DAPK1: variants seen among roughly 807,000 people sequenced by gnomAD.
The protein encoded by DAPK1 is death-associated protein kinase 1.
In DAPK1, 56 loss-of-function variants were observed where a neutral mutation model predicts 144.9. The observed-to-expected ratio is 0.39, with a 90% CI of 0.31 to 0.48. The LOEUF (loss-of-function observed/expected upper bound fraction) is 0.48, where lower values mean the gene tolerates loss of function less well. Ranked by LOEUF, DAPK1 falls within the 20% of genes least tolerant of loss-of-function variation. The pLI, the probability that DAPK1 is intolerant of heterozygous loss-of-function variation, is 0.95. For missense variants in DAPK1, 1,454 were observed against 1,875.4 expected (o/e 0.78, Z 4.15); for synonymous variants, 690 against 749.0 (o/e 0.92, Z 1.29).
At chr9:87,680,242 C>T (rs1824556004) in intron 19 of DAPK1, among the ~76,000 whole-genome samples, 1 of 152,054 alleles carries the variant, frequency 6.6e-6, no homozygotes, top group Non-Finnish European at 1.5e-5. Flanking sequence ...GTAGCTGGGA[C>T]TACAGGCTCC....
At chr9:87,510,934 C>T (rs999393534) in intron 2 of DAPK1, among the ~76,000 whole-genome samples, 1 of 152,208 alleles carries the variant, frequency 6.6e-6, no homozygotes, top group African/African-American at 2.4e-5. Flanking sequence ...ACTAGGCACA[C>T]AGTAAGTGCT....
chr9:87,589,864 C>A (rs1828063945), intron 2 of DAPK1, among the ~76,000 whole-genome samples: 1 of 152,148 alleles, frequency 6.6e-6, no homozygotes, highest in South Asian at 2.1e-4. Flanking sequence ...AGCCTGCACT[C>A]CACTCACCAA....
chr9:87,700,036 A>G, intron 23 of DAPK1, 81 bp from the exon 24 acceptor site: 2 of 1,162,192 alleles, frequency 1.7e-6, no homozygotes, highest in Non-Finnish European at 2.5e-6. Context: ...CAGCCTCTTG[A>G]GCCAGTAGGA....
rs72747862 is a variant in DAPK1 at position 87,632,974 on chromosome 9, G to A, written c.285-4969G>A. The A allele has an allele frequency of 5.1e-3, 4,931 of 975,306 alleles. 14 individuals carry two copies. Among genetic ancestry groups the A allele is most frequent in the Non-Finnish European group, 5.6e-3 (4,626 of 823,480 alleles). The allele number at this position is 975,306 out of a possible 1,614,324, so 60.4% of individuals were successfully genotyped here. A position where few individuals can be genotyped will look rare whatever the true frequency, so the allele number is the denominator to read the frequency against. ...GGGATGAAGGAGGATGAGTACATATGTAGAAATGAAGGGAGATGAGTATAC... is the reference window on the plus strand; with the variant it reads ...GGGATGAAGGAGGATGAGTACATATATAGAAATGAAGGGAGATGAGTATAC... On this transcript the variant is annotated intron_variant, in intron 3 of 25. Transcript: ENST00000408954.
At chr9:87,573,849 A>G (rs1053304585) in intron 2 of DAPK1, among the ~76,000 whole-genome samples, 1 of 152,258 alleles carries the variant, frequency 6.6e-6, no homozygotes, top group African/African-American at 2.4e-5. Flanking sequence ...AGGTTTCTTT[A>G]GAGATGTTTT....
chr9:87,678,880 T>C (rs1194122610), intron 19 of DAPK1, among the ~76,000 whole-genome samples: 1 of 152,174 alleles, frequency 6.6e-6, no homozygotes, highest in Non-Finnish European at 1.5e-5. Flanking sequence ...ATAGTTCCTG[T>C]TGAGGAAGTC....
At chr9:87,554,347 C>T (rs957440579) in intron 2 of DAPK1, 1 of 152,062 alleles carries the variant, frequency 6.6e-6, no homozygotes, top group Non-Finnish European at 1.5e-5. Context: ...AATTATTATT[C>T]TCATCTTCTG....
chr9:87,594,067 T>G (rs1257007462), intron 2 of DAPK1, among the ~76,000 whole-genome samples: 1 of 152,220 alleles, frequency 6.6e-6, no homozygotes, highest in Admixed American at 6.5e-5. Context: ...CTACCCTTTC[T>G]GTATAAGGGC....
At chr9:87,555,138 G>A (rs983801890) in intron 2 of DAPK1, among the ~76,000 whole-genome samples, 1 of 152,138 alleles carries the variant, frequency 6.6e-6, no homozygotes, top group East Asian at 1.9e-4. Context: ...AAGGACTTGG[G>A]GGTTTACATA....
At chr9:87,604,918 A>G in intron 2 of DAPK1, 36 bp from the exon 3 acceptor site, 1 of 1,592,846 alleles carries the variant, frequency 6.3e-7, no homozygotes, top group Non-Finnish European at 8.6e-7. Context: ...TGTTTTTTTT[A>G]TGAACGATAA....
intron 16 of DAPK1, among the ~76,000 whole-genome samples, chr9:87,651,148 G>A (rs929188917): frequency 2.0e-5 from 3 of 152,146 alleles, no homozygotes; most frequent in Non-Finnish European, 2.9e-5. Context: ...AAAATAATAG[G>A]CTCTCTATTT....
At chr9:87,564,010 A>G (rs892619845) in intron 2 of DAPK1, among the ~76,000 whole-genome samples, 2 of 152,078 alleles carry the variant, frequency 1.3e-5, no homozygotes, top group Non-Finnish European at 2.9e-5. Context: ...TTAGTTTAGG[A>G]TGCCCGTCTC....
At chr9:87,497,699 C>G (rs1423512880), upstream of DAPK1, 2 of 219,106 alleles carry the variant, frequency 9.1e-6, no homozygotes, top group Non-Finnish European at 1.8e-5. Context: ...CCAGCGAGCC[C>G]GGAGCGCGGA....
intron 18 of DAPK1, chr9:87,667,782 C>T (rs1831108486): frequency 6.6e-6 from 1 of 151,850 alleles, no homozygotes; most frequent in Non-Finnish European, 1.5e-5. Flanking sequence ...TTTTAGTGAT[C>T]TCTAAAACTG....
At chr9:87,550,913 C>T (rs7866624) in intron 2 of DAPK1, among the ~76,000 whole-genome samples, 28,971 of 152,068 alleles carry the variant, frequency 0.19, 4,216 homozygotes, top group African/African-American at 0.39. Flanking sequence ...TTTCTGTGGA[C>T]GTGTGCTTTT....
intron 2 of DAPK1, among the ~76,000 whole-genome samples, chr9:87,556,446 C>T (rs1826718995): frequency 6.6e-6 from 1 of 152,218 alleles, no homozygotes; most frequent in African/African-American, 2.4e-5. Flanking sequence ...CTTTTGCTGT[C>T]TTTGAATCAT....
chr9:87,566,165 C>T (rs1827115006), intron 2 of DAPK1, among the ~76,000 whole-genome samples: 1 of 151,902 alleles, frequency 6.6e-6, no homozygotes, highest in Non-Finnish European at 1.5e-5. Context: ...GGACTACAGT[C>T]GCCCGCCACC....
chr9:87,510,585 G>A (rs1408286288), intron 2 of DAPK1, among the ~76,000 whole-genome samples: 1 of 152,226 alleles, frequency 6.6e-6, no homozygotes, highest in Non-Finnish European at 1.5e-5. Context: ...GGGGACTTAT[G>A]CGTGGGATTA....
Position 87,498,100 on chromosome 9 carries a change from G to T in DAPK1, c.-116G>T, listed in dbSNP as rs563553029. ...CCGGAGGGACCGGGGGAGCTCCCAG[G>T]CGCCCGGGTGAGTAGCCAGGCGCGG... On this transcript the variant is annotated 5_prime_UTR_variant, in exon 1 of 26. Coordinates refer to ENST00000408954, the MANE Select transcript of DAPK1 (RefSeq NM_004938.4). 2.5e-6 allele frequency: 1 copy of T among 397,684 alleles called. No individual in the cohort carries two copies. The highest frequency in any genetic ancestry group is 4.4e-5 in the Admixed American group (1 of 22,728). The allele number at this position is 397,684 out of a possible 1,614,324, so 24.6% of individuals were successfully genotyped here. A position where few individuals can be genotyped will look rare whatever the true frequency, so the allele number is the denominator to read the frequency against.
Sources: gnomAD v4.1 joint callset for allele counts (sites outside exome capture counted in the v4.1 genomes callset) on GRCh38, gnomAD v4.1.1 for gene constraint, MANE v1.5 for transcripts, NCBI Gene and HGNC (gene_info 2026-07-23, HGNC 2026-07-21) for gene names.